The following CD163L1 variants were observed in gnomAD, a reference collection of about 807,000 sequenced individuals.
The protein encoded by CD163L1 is CD163 molecule like 1.
Under a neutral mutation model 165.4 loss-of-function variants are expected in CD163L1, and 124 were observed. That is an observed-to-expected ratio of 0.75 (90% CI 0.65 to 0.87). The LOEUF is 0.87. CD163L1 is among the 40% of genes least tolerant of loss of function. The pLI is 0.00. For synonymous variants in CD163L1, 585 were observed against 662.2 expected, an observed-to-expected ratio of 0.88 and a Z score of 1.79; for missense variants, 1,525 against 1,799.9, an observed-to-expected ratio of 0.85 and a Z score of 2.76.
chr12:7,322,523 C>A, the CD163L1 span: 1 of 1,613,680 alleles, frequency 6.2e-7, no homozygotes, highest in Non-Finnish European at 8.5e-7. Context: ...TATATGAGGG[C>A]TATGGACAGA....
At chr12:7,416,177 G>A (rs745352804) in intron 4 of CD163L1, among the ~76,000 whole-genome samples, 3 of 152,140 alleles carry the variant, frequency 2.0e-5, no homozygotes, top group African/African-American at 7.2e-5. Flanking sequence ...GACGACCAGT[G>A]ATGATGAGCT....
Position 7,369,036 on chromosome 12 carries a change from T to G in CD163L1, c.4040-71A>C. 4.1e-6 allele frequency: 6 copies of G among 1,471,810 alleles called. No individual in the cohort carries two copies. Among genetic ancestry groups the G allele is most frequent in the Non-Finnish European group, 5.7e-6 (6 of 1,060,672 alleles). 91.2% of individuals were successfully genotyped at this position (1,471,810 alleles called of 1,614,324 possible). A position where few individuals can be genotyped will look rare whatever the true frequency, so the allele number is the denominator to read the frequency against. On this transcript the variant is annotated intron_variant, in intron 15 of 19. Transcript: ENST00000313599. The surrounding 1 kb of genome is among the most constrained non-coding windows in gnomAD (Gnocchi z 4.9). ...ACTGGGTATTTCTTTTTACATCTCC[T>G]GCGATTATCGGATGTCATTTAAATA...
At chr12:7,345,558 A>T (rs945325154), downstream of CD163L1, among the ~76,000 whole-genome samples, 6 of 152,080 alleles carry the variant, frequency 3.9e-5, no homozygotes, top group African/African-American at 1.4e-4. Flanking sequence ...ACATCTTCCT[A>T]TCTTCTTCTG....
the CD163L1 span, among the ~76,000 whole-genome samples, chr12:7,334,634 C>T: frequency 6.6e-6 from 1 of 152,176 alleles, no homozygotes. Flanking sequence ...TTGGAAGTTC[C>T]AGCCAGGGCA....
intron 2 of CD163L1, chr12:7,438,891 C>G (rs1388970367): frequency 1.3e-6 from 2 of 1,595,312 alleles, no homozygotes; most frequent in African/African-American, 2.7e-5. Context: ...GCACTTTTGC[C>G]TCTGTCTTGA....
chr12:7,422,634 T>C (rs1046088491), intron 4 of CD163L1, among the ~76,000 whole-genome samples: 3 of 150,720 alleles, frequency 2.0e-5, no homozygotes, highest in African/African-American at 7.3e-5. Context: ...TTATTTCATA[T>C]ATATATCTCA....
At chr12:7,346,782 T>C (rs1279768310) in exon 5 of CD163L1, 1 of 152,114 alleles carries the variant, frequency 6.6e-6, no homozygotes, top group African/African-American at 2.4e-5. Flanking sequence ...CATGCTGTAA[T>C]ATCTAGGCTA....
chr12:7,437,782 ATCC>A (rs1304216136), intron 2 of CD163L1, among the ~76,000 whole-genome samples: 1 of 151,620 alleles, frequency 6.6e-6, no homozygotes, highest in Non-Finnish European at 1.5e-5. Flanking sequence ...TGATCATTAA[ATCC>A]TCTTCACACA....
chr12:7,433,432 G>A lies in CD163L1; in HGVS notation c.387C>T (p.His129=), dbSNP rs151108969. 9.2e-5 allele frequency: 148 copies of A among 1,612,888 alleles called. No individual in the cohort carries two copies. Among genetic ancestry groups the A allele is most frequent in the Non-Finnish European group, 1.2e-4 (143 of 1,179,392 alleles). Residue 129 remains histidine (H), a synonymous_variant, in exon 3 of 20, where the codon CAC becomes CAT. Transcript: ENST00000313599. The part of the protein sequence containing the change: ...GNESALWECQ[H]REWGSHNCYH... ...AACAGTTATGGCTTCCCCATTCCCG[G>A]TGTTGACATTCCCAGAGAGCTGACT...
Position 7,403,696 on chromosome 12 carries a change from A to T in CD163L1, c.1247T>A (p.Val416Asp). ...AGGTTTAGCACGACGACTGCCAAAG[A>T]CGCTGAACGGACATCCTAGCTGCTT... Reference protein sequence around the residue: ...VCKQLGCPFSVFGSRRAKPSN... With the variant: ...VCKQLGCPFSDFGSRRAKPSN... Residue 416 changes from valine to aspartate, a missense_variant, in exon 6 of 20, where the codon GTC becomes GAC. Physicochemically the swap from Val to Asp is radical, Grantham distance 152. Coordinates refer to ENST00000313599, the MANE Select transcript of CD163L1 (RefSeq NM_174941.6). 1 of 1,614,076 alleles carries T rather than the reference A, an allele frequency of 6.2e-7. No homozygotes were observed. Among genetic ancestry groups the T allele is most frequent in the South Asian group, 1.1e-5 (1 of 91,076 alleles).
At chr12:7,365,651 G>A (rs558470677) in intron 18 of CD163L1, among the ~76,000 whole-genome samples, 4 of 152,106 alleles carry the variant, frequency 2.6e-5, no homozygotes, top group South Asian at 2.1e-4. Flanking sequence ...TGGCCAATAT[G>A]TAAATAAATG....
At chr12:7,338,512 T>C in the CD163L1 span, among the ~76,000 whole-genome samples, 1 of 152,176 alleles carries the variant, frequency 6.6e-6, no homozygotes, top group Non-Finnish European at 1.5e-5. Flanking sequence ...TCAACTTAGA[T>C]AACACTTTGC....
At chr12:7,389,219 C>A (rs1297111725) in intron 8 of CD163L1, among the ~76,000 whole-genome samples, 1 of 152,212 alleles carries the variant, frequency 6.6e-6, no homozygotes, top group Admixed American at 6.5e-5. Context: ...TACATTCTCA[C>A]CAACAGTGTT....
intron 14 of CD163L1, among the ~76,000 whole-genome samples, chr12:7,370,579 T>C (rs1052027777): frequency 6.6e-6 from 1 of 152,138 alleles, no homozygotes; most frequent in Non-Finnish European, 1.5e-5. Flanking sequence ...AAGGGTTTTT[T>C]TGATCTAAAC....
Position 7,379,930 on chromosome 12 carries a change from C to G in CD163L1, c.2051-632G>C, listed in dbSNP as rs543134734. Among the ~76,000 whole-genome samples the G allele has an allele frequency of 2.0e-3, 303 of 150,326 alleles. 1 individual carries two copies. Among genetic ancestry groups the G allele is most frequent in the Admixed American group, 5.5e-3 (83 of 15,124 alleles). On this transcript the variant is annotated intron_variant, in intron 8 of 19. Coordinates refer to ENST00000313599, the MANE Select transcript of CD163L1 (RefSeq NM_174941.6). Reference sequence around the variant, plus strand: ...ATGATCAGGAAAATGCAAATCAAAACCACAATGCAATGCCACTTTACTCCT... The same window carrying G: ...ATGATCAGGAAAATGCAAATCAAAAGCACAATGCAATGCCACTTTACTCCT...
intron 18 of CD163L1, among the ~76,000 whole-genome samples, chr12:7,360,958 GTTTTGC>G (rs1156513284): frequency 8.3e-6 from 1 of 120,958 alleles, no homozygotes; most frequent in East Asian, 6.2e-4. Context: ...TTTGGTTTTG[GTTTTGC>G]TTTGTTTTGT....
At chr12:7,429,439 T>C (rs1336754141) in intron 4 of CD163L1, among the ~76,000 whole-genome samples, 1 of 152,106 alleles carries the variant, frequency 6.6e-6, no homozygotes, top group East Asian at 1.9e-4. Flanking sequence ...AATTTATATC[T>C]CTAATTCATA....
At chr12:7,339,828 A>T in the CD163L1 span, among the ~76,000 whole-genome samples, 1 of 152,046 alleles carries the variant, frequency 6.6e-6, no homozygotes, top group Non-Finnish European at 1.5e-5. Flanking sequence ...TCATTTTTTC[A>T]TGCTAGACAA....
intron 4 of CD163L1, among the ~76,000 whole-genome samples, chr12:7,423,098 T>G (rs1297851598): frequency 6.6e-6 from 1 of 152,010 alleles, no homozygotes; most frequent in East Asian, 1.9e-4. Flanking sequence ...CCTCAGCAAA[T>G]GCAAAAGAAC....
Sources: allele counts gnomAD v4.1 joint callset (sites outside exome capture counted in the v4.1 genomes callset), GRCh38; gene constraint gnomAD v4.1.1; non-coding constraint Gnocchi (gnomAD v3.1); transcripts MANE v1.5; gene names NCBI Gene and HGNC (gene_info 2026-07-23, HGNC 2026-07-21).